Variants in MGAM observed in about 807,000 individuals in gnomAD.
The protein encoded by MGAM is maltase-glucoamylase, also known as alpha-1,4-glucosidase.
MGAM carries 253 observed loss-of-function variants against 358.8 expected under a neutral mutation model. That is an observed-to-expected ratio of 0.71 (90% confidence interval 0.64 to 0.78). The LOEUF is 0.78. Among genes scored for constraint, MGAM ranks in the 30% least tolerant of loss-of-function variants. MGAM has a pLI of 0.00. For synonymous variants in MGAM, 1,105 were observed against 1,227.1 expected, an observed-to-expected ratio of 0.90 and a Z score of 2.08; for missense variants, 3,080 against 3,432.6, an observed-to-expected ratio of 0.90 and a Z score of 2.57.
intron 53 of MGAM, among the ~76,000 whole-genome samples, chr7:142,083,785 A>ATGGTGG (rs1814528321): frequency 7.0e-6 from 1 of 142,950 alleles, no homozygotes; most frequent in African/African-American, 2.5e-5. Context: ...GGTGATGGTG[A>ATGGTGG]TGATAGTGGT....
chr7:142,025,210 C>A, intron 8 of MGAM, 61 bp downstream of exon 8: 1 of 1,269,864 alleles, frequency 7.9e-7, no homozygotes, highest in Non-Finnish European at 1.1e-6. Context: ...TTTCTTACAG[C>A]ACTATGATAA....
upstream of MGAM, among the ~76,000 whole-genome samples, chr7:141,993,664 C>T (rs1223639462): frequency 6.6e-6 from 1 of 152,168 alleles, no homozygotes; most frequent in Non-Finnish European, 1.5e-5. Flanking sequence ...ATTTACATAT[C>T]TTTTCTTTGC....
At position 142,022,329 on chromosome 7, in the gene MGAM, C is replaced by A. The variant is rs1806541437; in HGVS notation, c.772C>A (p.Leu258Met). The A allele has an allele frequency of 6.2e-7, 1 of 1,613,178 alleles. No homozygotes were observed. Among genetic ancestry groups the A allele is most frequent in the Non-Finnish European group, 8.5e-7 (1 of 1,179,438 alleles). Residue 258 changes from leucine (L) to methionine (M), a missense_variant, in exon 7 of 71, where the codon CTG (leucine) becomes ATG (methionine). Physicochemically the swap from Leu to Met is conservative, Grantham distance 15 (BLOSUM62 2). Around this residue, in one of 5 missense-constraint regions of MGAM, gnomAD observed 1,816 missense variants for 1,840.5 expected, o/e 0.99. Transcript: ENST00000475668. Reference protein sequence around the residue: ...ADQFLQLSTRLPSTNVYGLGE... With the variant: ...ADQFLQLSTRMPSTNVYGLGE... The stretch of plus-strand genomic sequence containing the variant: ...CCAGTTCTTGCAGCTCTCCACTCGA[C>A]TGCCTAGCACTAACGTGTATGGCCT...
chr7:142,059,888 T>G lies in MGAM; in HGVS notation c.3981T>G (p.Pro1327=), dbSNP rs753415952. The G allele has an allele frequency of 1.3e-5, 21 of 1,569,104 alleles. No homozygotes were observed. The highest frequency in any genetic ancestry group is 1.7e-5 in the Admixed American group (1 of 58,154). ...CCATTTCTGGCAATGAGACACAGCC[T>G]TATCCTGCCTTCACTCGGGGCGTGG... ...DPAISGNETQ[P]YPAFTRGVED... The change falls in exon 33 of 71, where the codon CCT becomes CCG. Residue 1327 remains proline (P), a synonymous_variant. Coordinates refer to ENST00000475668, the MANE Select transcript of MGAM (RefSeq NM_001365693.1).
At chr7:142,088,747 GTCTATCTATCTATCTA>G (rs60202972) in intron 57 of MGAM, among the ~76,000 whole-genome samples, 4,854 of 93,402 alleles carry the variant, frequency 0.052, 411 homozygotes, top group East Asian at 0.19. Flanking sequence ...CTGTCTGTCT[GTCTATCTATCTATCTA>G]TCTATCTATC....
intron 2 of MGAM, among the ~76,000 whole-genome samples, chr7:141,990,357 A>T (rs1156404705): frequency 6.6e-6 from 1 of 152,144 alleles, no homozygotes; most frequent in African/African-American, 2.4e-5. Context: ...TCCCCTGTGG[A>T]TACTTAGTCT....
chr7:142,071,968 T>C (rs1246147996), intron 44 of MGAM, among the ~76,000 whole-genome samples: 2 of 146,232 alleles, frequency 1.4e-5, no homozygotes, highest in Admixed American at 1.4e-4. Context: ...GTCTTTTCTT[T>C]TGAACCTCTC....
At position 142,100,900 on chromosome 7, in the gene MGAM, G is replaced by A. The variant is rs772302768; in HGVS notation, c.7963+10G>A. On this transcript the variant is annotated intron_variant, in intron 68 of 70. Coordinates refer to ENST00000475668, the MANE Select transcript of MGAM (RefSeq NM_001365693.1). ...GATGGGCAAAGCATTGGTGAGTAGA[G>A]GTTGCCTGAGATTCATGCTGATGGC... is the stretch of plus-strand genomic sequence containing the variant. The A allele has an allele frequency of 2.5e-6, 4 of 1,610,724 alleles. No individual in the cohort carries two copies. Among genetic ancestry groups the A allele is most frequent in the Non-Finnish European group, 3.4e-6 (4 of 1,178,266 alleles).
chr7:142,022,769 T>C (rs1235186566), intron 7 of MGAM, among the ~76,000 whole-genome samples: 2 of 151,440 alleles, frequency 1.3e-5, no homozygotes, highest in Non-Finnish European at 2.9e-5. Flanking sequence ...TAACCAGATA[T>C]GGAGAAGATA....
chr7:142,027,186 T>C lies in MGAM; in HGVS notation c.1054T>C (p.Leu352=), dbSNP rs782132400. The change falls in exon 9 of 71, where the codon TTG becomes CTG. Residue 352 remains leucine, a synonymous_variant. Transcript: ENST00000475668. ...IGGILDFYVF[L]GNTPEQVVQE... Reference sequence around the variant, plus strand: ...GGGCATTCTCGACTTCTATGTGTTCTTGGGAAACACTCCAGAGCAAGTTGT... The same window carrying C: ...GGGCATTCTCGACTTCTATGTGTTCCTGGGAAACACTCCAGAGCAAGTTGT... 20 of 1,613,718 alleles carry C rather than the reference T, an allele frequency of 1.2e-5. No homozygotes were observed. The South Asian group carries it at 1.9e-4, about 15-fold the overall frequency.
chr7:142,030,338 T>G (rs1422420276), intron 10 of MGAM, 24 bp from the exon 11 acceptor site: 1 of 1,609,584 alleles, frequency 6.2e-7, no homozygotes, highest in Non-Finnish European at 8.5e-7. Flanking sequence ...AGGTGCTAAT[T>G]GTGGACTTTG....
intron 69 of MGAM, among the ~76,000 whole-genome samples, chr7:142,103,018 A>T (rs747781677): frequency 5.9e-5 from 9 of 152,210 alleles, no homozygotes; most frequent in Admixed American, 1.3e-4. Flanking sequence ...GTATCTTAAC[A>T]GCTGAGACTT....
chr7:142,103,110 G>A (rs1166179353), intron 69 of MGAM, among the ~76,000 whole-genome samples, 159 bp from the exon 70 acceptor site: 1 of 152,168 alleles, frequency 6.6e-6, no homozygotes, highest in Non-Finnish European at 1.5e-5. Context: ...TTGGCAATAG[G>A]CCATAGAGTG....
chr7:142,060,338 G>T lies in MGAM; in HGVS notation c.4087G>T (p.Val1363Leu). ...CTGGCCTGATTTTCCTGATGTTGTT[G>T]TGAATGGGTCTCTAGACTGGGACAG... ...KVWPDFPDVV[V>L]NGSLDWDSQV... is the part of the protein sequence containing the mutation. The change falls in exon 34 of 71, where the codon GTG becomes TTG. Residue 1363 changes from valine to leucine, a missense_variant. Val to Leu is a conservative substitution (Grantham distance 32). Transcript: ENST00000475668. 1 of 1,614,062 alleles carries T rather than the reference G, an allele frequency of 6.2e-7. No homozygotes were observed. Among genetic ancestry groups the T allele is most frequent in the Non-Finnish European group, 8.5e-7 (1 of 1,179,870 alleles).
rs1484565713 is a variant in MGAM at position 142,082,460 on chromosome 7, C to T, written c.6172-15C>T. 2.0e-6 allele frequency: 3 copies of T among 1,490,196 alleles called. No homozygotes were observed. Among genetic ancestry groups the T allele is most frequent in the Non-Finnish European group, 1.8e-6 (2 of 1,086,740 alleles). The allele number at this position is 1,490,196 out of a possible 1,614,324, so 92.3% of individuals were successfully genotyped here. A position where few individuals can be genotyped will look rare whatever the true frequency, so the allele number is the denominator to read the frequency against. ...GTCTTTTAAACTCCTACTGCTTCTC[C>T]CCATGACTCTCCAGTACAAGAAGAA... On this transcript the variant is annotated splice_polypyrimidine_tract_variant and intron_variant, in intron 51 of 70. Coordinates refer to ENST00000475668, the MANE Select transcript of MGAM (RefSeq NM_001365693.1).
At position 142,008,553 on chromosome 7, in the gene MGAM, A is replaced by C. The variant is rs1291693920; in HGVS notation, c.175A>C (p.Thr59Pro). The change falls in exon 3 of 71, where the codon ACC (threonine) becomes CCC (proline). Residue 59 changes from threonine to proline, a missense_variant. Around this residue, in one of 5 missense-constraint regions of MGAM, gnomAD observed 1,816 missense variants for 1,840.5 expected, o/e 0.99. Coordinates refer to ENST00000475668, the MANE Select transcript of MGAM (RefSeq NM_001365693.1). ...TACCCCAGATCCTGGGACAACTGGT[A>C]CCCCAGATCCTGGAACAACTGGTAC... Reference protein sequence around the residue: ...TGTPDPGTTGTPDPGTTGTTH... With the variant: ...TGTPDPGTTGPPDPGTTGTTH... 6.2e-7 allele frequency: 1 copy of C among 1,612,714 alleles called. No individual in the cohort carries two copies. The highest frequency in any genetic ancestry group is 8.5e-7 in the Non-Finnish European group (1 of 1,179,316).
chr7:142,088,802 AT>A lies in MGAM; in HGVS notation c.6810+2087del, dbSNP rs1199091208. 1.5e-3 allele frequency among the ~76,000 whole-genome samples: 158 copies of A among 102,098 alleles called. 9 individuals are homozygous for A. Among genetic ancestry groups the A allele is most frequent in the East Asian group, 6.1e-3 (19 of 3,114 alleles). The allele number at this position is 102,098 out of a possible 152,430, so 67.0% of individuals were successfully genotyped here. A position where few individuals can be genotyped will look rare whatever the true frequency, so the allele number is the denominator to read the frequency against. On this transcript the variant is annotated intron_variant, in intron 57 of 70. Transcript: ENST00000475668. ...CTATCTATCTATCTATCTATCTATC[AT>A]TCTATCCTATCTATGTACCATCTAT...
At chr7:142,095,454 T>C in intron 63 of MGAM, 111 bp from the exon 64 acceptor site, 1 of 1,475,382 alleles carries the variant, frequency 6.8e-7, no homozygotes, top group Non-Finnish European at 9.2e-7. Flanking sequence ...TGTGTAGTTT[T>C]CTTTTGTTTA....
chr7:142,088,926 G>T (rs1171939393), intron 57 of MGAM, among the ~76,000 whole-genome samples: 1 of 141,062 alleles, frequency 7.1e-6, no homozygotes, highest in Non-Finnish European at 1.6e-5. Context: ...TCCCTCTTCT[G>T]TCTATCATTT....
Sources: gnomAD v4.1 joint callset for allele counts (sites outside exome capture counted in the v4.1 genomes callset) on GRCh38, gnomAD v4.1.1 for gene constraint, gnomAD v4.1.1 regional missense constraint, MANE v1.5 for transcripts, NCBI Gene and HGNC (gene_info 2026-07-23, HGNC 2026-07-21) for gene names.